The following CPA6 variants were observed in gnomAD, a reference collection of about 807,000 sequenced individuals.
CPA6 encodes carboxypeptidase A6.
Under a neutral mutation model 63.3 loss-of-function variants are expected in CPA6, and 58 were observed. The observed-to-expected ratio is 0.92, with a 90% confidence interval of 0.74 to 1.14. The LOEUF is 1.14. Among genes scored for constraint, CPA6 ranks in the 50% most tolerant of loss-of-function variants. The pLI, the probability that CPA6 is intolerant of heterozygous loss-of-function variation, is 0.00. For synonymous variants in CPA6, 185 were observed against 179.0 expected (o/e 1.03, Z -0.27); for missense variants, 565 against 526.6 (o/e 1.07, Z -0.71).
At position 67,715,661 on chromosome 8, in the gene CPA6, A is replaced by G. The variant is rs527506084; in HGVS notation, c.116+30353T>C. ...TACAAATGCCTTTTTGATATGGCCA[A>G]ATGGTCGTAACATAATAGTGACTAT... is the stretch of plus-strand genomic sequence containing the variant. On this transcript the variant is annotated intron_variant, in intron 1 of 10. Coordinates refer to ENST00000297770, the MANE Select transcript of CPA6 (RefSeq NM_020361.5). Among the ~76,000 whole-genome samples, 3 of 152,376 alleles carry G rather than the reference A, an allele frequency of 2.0e-5. No individual in the cohort carries two copies. The South Asian group carries it at 6.2e-4, about 32-fold the overall frequency.
chr8:67,558,539 C>T (rs547543023), intron 2 of CPA6, among the ~76,000 whole-genome samples: 12 of 152,286 alleles, frequency 7.9e-5, no homozygotes, highest in African/African-American at 2.6e-4. Context: ...AACCCAGAAA[C>T]GTAGAGTACC....
chr8:67,691,665 C>T (rs1362280451), intron 1 of CPA6, among the ~76,000 whole-genome samples: 1 of 152,132 alleles, frequency 6.6e-6, no homozygotes, highest in African/African-American at 2.4e-5. Context: ...TATTTAAATT[C>T]AAGATGTAAA....
intron 2 of CPA6, among the ~76,000 whole-genome samples, chr8:67,594,515 G>A (rs1347319154): frequency 6.6e-6 from 1 of 152,162 alleles, no homozygotes; most frequent in East Asian, 1.9e-4. Flanking sequence ...TCACTTTCAG[G>A]TACAACAATC....
At chr8:67,740,390 C>T (rs1041643317) in intron 1 of CPA6, among the ~76,000 whole-genome samples, 2 of 152,138 alleles carry the variant, frequency 1.3e-5, no homozygotes, top group African/African-American at 4.8e-5. Flanking sequence ...TAAAAGAACA[C>T]AAAAACTGCT....
At chr8:67,454,787 A>T (rs2128956176) in intron 8 of CPA6, among the ~76,000 whole-genome samples, 1 of 152,380 alleles carries the variant, frequency 6.6e-6, no homozygotes, top group Middle Eastern at 3.4e-3. Flanking sequence ...TTTAACTTCC[A>T]TACCATACAT....
At chr8:67,438,780 A>T (rs557405136) in intron 8 of CPA6, among the ~76,000 whole-genome samples, 1 of 152,128 alleles carries the variant, frequency 6.6e-6, no homozygotes, top group Admixed American at 6.6e-5. Flanking sequence ...ATAAAGAGGG[A>T]GGTGGGCAGG....
chr8:67,494,573 A>G (rs1811671000), intron 6 of CPA6, among the ~76,000 whole-genome samples: 1 of 152,176 alleles, frequency 6.6e-6, no homozygotes, highest in Non-Finnish European at 1.5e-5. Context: ...TGCCTCATTC[A>G]GTTGGAGGTT....
chr8:67,548,813 G>A (rs1812879284), intron 2 of CPA6, among the ~76,000 whole-genome samples: 1 of 152,172 alleles, frequency 6.6e-6, no homozygotes, highest in South Asian at 2.1e-4. Flanking sequence ...TCTGTAGTTA[G>A]CATCTCTGTG....
intron 2 of CPA6, among the ~76,000 whole-genome samples, chr8:67,601,257 C>A (rs1289205532): frequency 6.6e-6 from 1 of 152,176 alleles, no homozygotes; most frequent in African/African-American, 2.4e-5. Context: ...GGTAATATCA[C>A]AAACAGCAAC....
At chr8:67,603,461 T>C (rs528628535) in intron 2 of CPA6, among the ~76,000 whole-genome samples, 3 of 152,328 alleles carry the variant, frequency 2.0e-5, no homozygotes, top group African/African-American at 7.2e-5. Context: ...CTAAGTGGAA[T>C]GAAGAATGTC....
chr8:67,597,309 C>T (rs1814369132), intron 2 of CPA6, among the ~76,000 whole-genome samples: 1 of 151,756 alleles, frequency 6.6e-6, no homozygotes, highest in Admixed American at 6.6e-5. Context: ...AGCAATTCTC[C>T]TGCCTCAGCC....
chr8:67,499,879 T>G lies in CPA6; in HGVS notation c.636+6908A>C, dbSNP rs190353210. Among the ~76,000 whole-genome samples, 17 of 152,350 alleles carry G rather than the reference T, an allele frequency of 1.1e-4. No homozygotes were observed. In the East Asian group the frequency reaches 1.7e-3, roughly 16 times the overall value. On this transcript the variant is annotated intron_variant, in intron 6 of 10. Coordinates refer to ENST00000297770, the MANE Select transcript of CPA6 (RefSeq NM_020361.5). ...TCCATGGTATGGATGTACTACAGTTTGTTTAACCATTTGCCTGTTGATGGA... is the reference window on the plus strand; with the variant it reads ...TCCATGGTATGGATGTACTACAGTTGGTTTAACCATTTGCCTGTTGATGGA...
intron 2 of CPA6, among the ~76,000 whole-genome samples, chr8:67,613,439 G>C (rs1012386269): frequency 1.3e-5 from 2 of 152,216 alleles, no homozygotes; most frequent in Non-Finnish European, 2.9e-5. Flanking sequence ...AAGATGAATG[G>C]TAAGTCATCC....
chr8:67,422,460 C>T lies in CPA6; in HGVS notation c.*44G>A, dbSNP rs550078347. 4.4e-5 allele frequency: 69 copies of T among 1,558,380 alleles called. 2 individuals are homozygous for T. In the South Asian group the frequency reaches 7.6e-4, roughly 17 times the overall value. On this transcript the variant is annotated 3_prime_UTR_variant, in exon 11 of 11. Coordinates refer to ENST00000297770, the MANE Select transcript of CPA6 (RefSeq NM_020361.5). ...AATTTCTATCCAGGGCCAAGTAGGCCTTGCTCAGAATCCTATGGCAGTTGA... is the reference window on the plus strand; with the variant it reads ...AATTTCTATCCAGGGCCAAGTAGGCTTTGCTCAGAATCCTATGGCAGTTGA...
chr8:67,436,293 G>A (rs1810152546), intron 8 of CPA6, among the ~76,000 whole-genome samples: 1 of 152,054 alleles, frequency 6.6e-6, no homozygotes, highest in Admixed American at 6.5e-5. Context: ...GCCCAGGGTA[G>A]GGGTTTCCAG....
intron 1 of CPA6, among the ~76,000 whole-genome samples, chr8:67,632,360 A>G (rs1815360697): frequency 6.6e-6 from 1 of 151,960 alleles, no homozygotes; most frequent in Non-Finnish European, 1.5e-5. Flanking sequence ...TTTTAAAGAA[A>G]TGGGGTCTTA....
At chr8:67,654,695 G>A (rs116506475) in intron 1 of CPA6, among the ~76,000 whole-genome samples, 2,718 of 152,244 alleles carry the variant, frequency 0.018, 88 homozygotes, top group African/African-American at 0.06. Context: ...GATGAAGAGA[G>A]TTTTGTACAG....
intron 1 of CPA6, among the ~76,000 whole-genome samples, chr8:67,725,534 T>A (rs1817580971): frequency 6.6e-6 from 1 of 152,186 alleles, no homozygotes; most frequent in Non-Finnish European, 1.5e-5. Context: ...TACATTTCGT[T>A]TTTTTAGAGA....
intron 9 of CPA6, among the ~76,000 whole-genome samples, chr8:67,433,250 C>T (rs1375419133): frequency 1.3e-5 from 2 of 152,174 alleles, no homozygotes; most frequent in South Asian, 4.1e-4. Flanking sequence ...TCACTGCACC[C>T]CCTCCTTTTC....
Sources: gnomAD v4.1 joint callset for allele counts (sites outside exome capture counted in the v4.1 genomes callset) on GRCh38, gnomAD v4.1.1 for gene constraint, MANE v1.5 for transcripts, NCBI Gene and HGNC (gene_info 2026-07-23, HGNC 2026-07-21) for gene names.